C21orf91: variants seen among roughly 807,000 people sequenced by gnomAD.
C21orf91 encodes chromosome 21 open reading frame 91.
Under a neutral mutation model 32.9 loss-of-function variants are expected in C21orf91, and 26 were observed. The ratio of observed to expected loss-of-function variants is 0.79; its 90% confidence interval spans 0.58 to 1.10. C21orf91 has a LOEUF of 1.10. Ranked by LOEUF, C21orf91 falls within the 50% of genes least tolerant of loss-of-function variation. The pLI is 0.00. For missense variants in C21orf91, 310 were observed against 341.3 expected, an observed-to-expected ratio of 0.91 and a Z score of 0.72; for synonymous variants, 126 against 120.4, an observed-to-expected ratio of 1.05 and a Z score of -0.31.
chr21:17,807,416 C>T (rs1401250989), intron 2 of C21orf91, among the ~76,000 whole-genome samples: 1 of 152,166 alleles, frequency 6.6e-6, no homozygotes, highest in Non-Finnish European at 1.5e-5. Flanking sequence ...GTGACCCAAT[C>T]TCAGGTAGTT....
chr21:17,803,159 A>T (rs2062573583), intron 2 of C21orf91, among the ~76,000 whole-genome samples: 1 of 152,234 alleles, frequency 6.6e-6, no homozygotes, highest in Admixed American at 6.5e-5. Context: ...TGCTGTGAAA[A>T]AATTTTAAGC....
chr21:17,811,235 A>C (rs1187464173), intron 2 of C21orf91: 1 of 152,232 alleles, frequency 6.6e-6, no homozygotes, highest in Non-Finnish European at 1.5e-5. Flanking sequence ...CTTATTCATC[A>C]AACTGGGATA....
At chr21:17,805,002 T>G (rs1052080848) in intron 2 of C21orf91, among the ~76,000 whole-genome samples, 1 of 152,176 alleles carries the variant, frequency 6.6e-6, no homozygotes, top group Non-Finnish European at 1.5e-5. Context: ...CCAAACTCAA[T>G]TCTACTCCTT....
At chr21:17,795,321 G>T in intron 3 of C21orf91, 51 bp from the exon 4 acceptor site, 3 of 1,191,352 alleles carry the variant, frequency 2.5e-6, no homozygotes, top group Non-Finnish European at 3.8e-6. Flanking sequence ...AGGAAAACAT[G>T]CTGCTTACAT....
rs756842780 is a variant in C21orf91, at chr21:17,796,648, C to A, written c.598G>T (p.Glu200Ter). 1.9e-6 allele frequency: 3 copies of A among 1,614,046 alleles called. No individual in the cohort carries two copies. The highest frequency in any genetic ancestry group is 2.2e-5 in the South Asian group (2 of 91,082). Reference protein sequence around the residue: ...PHSHNQAQKKEETISSPEANV... With the variant: ...PHSHNQAQKK Reference sequence around the variant, plus strand: ...GCCTCTGGACTAGAGATTGTCTCTTCTTTTTTCTGTGCCTGGTTGTGACTA... The same window carrying A: ...GCCTCTGGACTAGAGATTGTCTCTTATTTTTTCTGTGCCTGGTTGTGACTA... Residue 200 changes from glutamate (E) to a stop codon, truncating the protein, a stop_gained, in exon 3 of 5, where the codon GAA (glutamate) becomes TAA (stop). Transcript: ENST00000284881. LOFTEE classifies it high-confidence loss of function.
intron 4 of C21orf91, among the ~76,000 whole-genome samples, chr21:17,794,197 T>C (rs373152683): frequency 6.6e-6 from 1 of 152,354 alleles, no homozygotes; most frequent in Admixed American, 6.5e-5. Context: ...GGTTAAGCTT[T>C]GGAGTTTAAA....
rs970305836 is a variant in C21orf91, at chr21:17,789,137, C to G, written c.*4278G>C. 1.3e-5 allele frequency: 2 copies of G among 151,334 alleles called. No individual in the cohort carries two copies. The highest frequency in any genetic ancestry group is 2.9e-5 in the Non-Finnish European group (2 of 67,940). 9.4% of individuals were successfully genotyped at this position (151,334 alleles called of 1,614,324 possible). ...TTTGAAACAAACTTGGTTTTTACCA[C>G]AGCAGTTTCATTTTCTTTTTCCAAA... is the stretch of plus-strand genomic sequence containing the variant. On this transcript the variant is annotated 3_prime_UTR_variant, in exon 5 of 5. Transcript: ENST00000284881.
intron 1 of C21orf91, among the ~76,000 whole-genome samples, 193 bp from the exon 2 acceptor site, chr21:17,818,518 A>G (rs2062681125): frequency 1.3e-5 from 2 of 152,194 alleles, no homozygotes; most frequent in South Asian, 4.1e-4. Context: ...AGCTAGTAAA[A>G]CTTAAAGCCA....
chr21:17,813,112 T>C (rs1391981601), intron 2 of C21orf91, among the ~76,000 whole-genome samples: 1 of 152,232 alleles, frequency 6.6e-6, no homozygotes, highest in Non-Finnish European at 1.5e-5. Context: ...AGTTAATACA[T>C]GATGTTTGCC....
intron 2 of C21orf91, among the ~76,000 whole-genome samples, chr21:17,806,310 A>C (rs1666137436): frequency 6.6e-6 from 1 of 152,254 alleles, no homozygotes; most frequent in African/African-American, 2.4e-5. Flanking sequence ...CACGAAGAAT[A>C]GTTGGGAGGA....
Position 17,804,404 on chromosome 21 carries a change from A to G in C21orf91, c.128-7286T>C, listed in dbSNP as rs552146522. On this transcript the variant is annotated intron_variant, in intron 2 of 4. Transcript: ENST00000284881. ...GGTGTCTTAGAAAGTACTGTGATAA[A>G]GAGTACCTCATTTCCTCACCCTCAT... is the stretch of plus-strand genomic sequence containing the variant. 2.0e-5 allele frequency among the ~76,000 whole-genome samples: 3 copies of G among 152,354 alleles called. No homozygotes were observed. In the East Asian group the frequency reaches 5.8e-4, roughly 29 times the overall value.
At chr21:17,802,938 T>C (rs1470047553) in intron 2 of C21orf91, among the ~76,000 whole-genome samples, 4 of 152,210 alleles carry the variant, frequency 2.6e-5, no homozygotes, top group Admixed American at 1.3e-4. Flanking sequence ...AGAGCAAATA[T>C]AATACAACCA....
chr21:17,799,211 T>C (rs2062542232), intron 2 of C21orf91, among the ~76,000 whole-genome samples: 1 of 152,230 alleles, frequency 6.6e-6, no homozygotes, highest in Admixed American at 6.5e-5. Context: ...TTTTCTGATG[T>C]ACTCTAGAGC....
In C21orf91 at chr21:17,793,161, T is replaced by C. The variant is rs144168145; in HGVS notation, c.*254A>G. 3.7e-6 allele frequency: 1 copy of C among 271,044 alleles called. No homozygotes were observed. The highest frequency in any genetic ancestry group is 5.0e-5 in the Admixed American group (1 of 20,070). The allele number at this position is 271,044 out of a possible 1,614,324, so 16.8% of individuals were successfully genotyped here. ...TAAAATGACACTGTAACAGTATATT[T>C]AAGTAGTCACATGTGATAAAATTTG... On this transcript the variant is annotated 3_prime_UTR_variant, in exon 5 of 5. Transcript: ENST00000284881.
At chr21:17,804,503 A>G (rs903476630) in intron 2 of C21orf91, among the ~76,000 whole-genome samples, 2 of 152,242 alleles carry the variant, frequency 1.3e-5, no homozygotes, top group African/African-American at 4.8e-5. Flanking sequence ...ATACCGTTTA[A>G]AAGTAAAAGG....
chr21:17,799,193 ATAAC>A (rs2062542161), intron 2 of C21orf91, among the ~76,000 whole-genome samples: 2 of 152,202 alleles, frequency 1.3e-5, no homozygotes, highest in African/African-American at 2.4e-5. Context: ...AGTACATTAA[ATAAC>A]TAATTTTCTG....
chr21:17,793,482 C>T lies in C21orf91; in HGVS notation c.827G>A (p.Cys276Tyr). Residue 276 changes from cysteine (C) to tyrosine (Y), a missense_variant, in exon 5 of 5, where the codon TGT becomes TAT. Coordinates refer to ENST00000284881, the MANE Select transcript of C21orf91 (RefSeq NM_001100420.2). ...HVAIEQLLKN[C>Y]SKLPCLQVGR... ...TACTTGCAGACATGGTAACTTAGAACAGTTCTTCAGAAGCTGTTCGATGGC... is the reference window on the plus strand; with the variant it reads ...TACTTGCAGACATGGTAACTTAGAATAGTTCTTCAGAAGCTGTTCGATGGC... The T allele has an allele frequency of 6.2e-7, 1 of 1,613,586 alleles. No individual in the cohort carries two copies. Among genetic ancestry groups the T allele is most frequent in the Non-Finnish European group, 8.5e-7 (1 of 1,179,732 alleles).
intron 2 of C21orf91, among the ~76,000 whole-genome samples, chr21:17,807,652 A>C (rs1012799365): frequency 1.9e-4 from 29 of 152,222 alleles, no homozygotes; most frequent in Non-Finnish European, 2.8e-4. Flanking sequence ...TGGACAATGA[A>C]GTCCAGTAGT....
chr21:17,819,051 G>C (rs1327253711), intron 1 of C21orf91: 3 of 152,208 alleles, frequency 2.0e-5, no homozygotes, highest in African/African-American at 7.2e-5. Context: ...GCGTCCGAGG[G>C]CCACGGCGGC....
Sources: gnomAD v4.1 joint callset for allele counts (sites outside exome capture counted in the v4.1 genomes callset) on GRCh38, gnomAD v4.1.1 for gene constraint, MANE v1.5 for transcripts, NCBI Gene and HGNC (gene_info 2026-07-23, HGNC 2026-07-21) for gene names.